HERC2: variants seen among roughly 807,000 people sequenced by gnomAD.
HERC2 encodes HECT and RLD domain containing E3 ubiquitin protein ligase 2.
Under a neutral mutation model 537.7 loss-of-function variants are expected in HERC2, and 102 were observed. The ratio of observed to expected loss-of-function variants is 0.19; its 90% confidence interval spans 0.16 to 0.22. HERC2 has a LOEUF of 0.22. HERC2 is among the 10% of genes least tolerant of loss of function. The pLI is 1.00. For missense variants in HERC2, 4,236 were observed against 6,198.2 expected, an observed-to-expected ratio of 0.68 and a Z score of 10.63; for synonymous variants, 2,224 against 2,466.2, an observed-to-expected ratio of 0.90 and a Z score of 2.91.
intron 36 of HERC2, 122 bp downstream of exon 36, chr15:28,221,906 C>T: frequency 2.3e-6 from 2 of 876,030 alleles, no homozygotes; most frequent in African/African-American, 1.6e-5. Flanking sequence ...GAACCAACAC[C>T]TGTGTCATCA....
chr15:28,243,528 T>C (rs1903346956), intron 23 of HERC2, among the ~76,000 whole-genome samples: 1 of 151,792 alleles, frequency 6.6e-6, no homozygotes, highest in Non-Finnish European at 1.5e-5. Context: ...CATGAATGAC[T>C]AAAAAGAAAA....
chr15:28,304,261 A>G (rs540718252), intron 2 of HERC2, among the ~76,000 whole-genome samples: 1 of 151,304 alleles, frequency 6.6e-6, no homozygotes, highest in African/African-American at 2.4e-5. Context: ...TATCAGTTCT[A>G]ATCATTTTTT....
intron 68 of HERC2, among the ~76,000 whole-genome samples, chr15:28,165,854 A>G (rs7180735): frequency 0.076 from 11,580 of 152,168 alleles, 1,522 homozygotes; most frequent in African/African-American, 0.27. Flanking sequence ...ACACACACAC[A>G]TATTCATTCT....
At position 28,176,297 on chromosome 15, in the gene HERC2, G is replaced by A. The variant is rs1895283830; in HGVS notation, c.9686+131C>T. ...TAATCCCAACTCAATATCCTTTAAAGGACAAAGATGCATGCATAAGTAAAA... is the reference window on the plus strand; with the variant it reads ...TAATCCCAACTCAATATCCTTTAAAAGACAAAGATGCATGCATAAGTAAAA... On this transcript the variant is annotated intron_variant, in intron 63 of 92. Transcript: ENST00000261609. This position sits in a 1 kb window ranked among gnomAD's most constrained non-coding sequence, Gnocchi z 5.0. 1 of 725,940 alleles carries A rather than the reference G, an allele frequency of 1.4e-6. No homozygotes were observed. The highest frequency in any genetic ancestry group is 2.3e-6 in the Non-Finnish European group (1 of 435,068). 45.0% of individuals were successfully genotyped at this position (725,940 alleles called of 1,614,324 possible).
At position 28,113,811 on chromosome 15, in the gene HERC2, G is replaced by T; in HGVS notation, c.13914-133C>A. On this transcript the variant is annotated intron_variant, in intron 90 of 92. Transcript: ENST00000261609. The surrounding 1 kb of genome is among the most constrained non-coding windows in gnomAD (Gnocchi z 7.0). Reference sequence around the variant, plus strand: ...GAGAACAGAGGGAGCAGCTCCAGATGGCATGAGCATGCTTAGCAGCTCGGC... The same window carrying T: ...GAGAACAGAGGGAGCAGCTCCAGATTGCATGAGCATGCTTAGCAGCTCGGC... 1.4e-6 allele frequency: 1 copy of T among 707,340 alleles called. No homozygotes were observed. The highest frequency in any genetic ancestry group is 1.7e-5 in the South Asian group (1 of 60,468). 43.8% of individuals were successfully genotyped at this position (707,340 alleles called of 1,614,324 possible).
Position 28,257,173 on chromosome 15 carries a change from A to T in HERC2, c.2405T>A (p.Leu802Gln), listed in dbSNP as rs1196129066. Reference sequence around the variant, plus strand: ...ACTCACCTGCCGAAGCAGGAGATCCAGCTGCTCAAAAGTCATTGAGCAGAT... The same window carrying T: ...ACTCACCTGCCGAAGCAGGAGATCCTGCTGCTCAAAAGTCATTGAGCAGAT... ...VDICSMTFEQLDLLLRQVSEG... is the reference protein window; with the variant it reads ...VDICSMTFEQQDLLLRQVSEG... The change falls in exon 17 of 93, where the codon CTG (leucine) becomes CAG (glutamine). Residue 802 changes from leucine to glutamine, a missense_variant. Leu to Gln is a moderately radical substitution (Grantham distance 113). Around this residue, in one of 27 missense-constraint regions of HERC2, gnomAD observed 754 missense variants for 1,085.0 expected, o/e 0.69. Coordinates refer to ENST00000261609, the MANE Select transcript of HERC2 (RefSeq NM_004667.6). 1 of 1,613,928 alleles carries T rather than the reference A, an allele frequency of 6.2e-7. No homozygotes were observed. The highest frequency in any genetic ancestry group is 8.5e-7 in the Non-Finnish European group (1 of 1,179,812).
intron 43 of HERC2, among the ~76,000 whole-genome samples, chr15:28,211,527 T>C (rs1899232588): frequency 6.6e-6 from 1 of 152,128 alleles, no homozygotes. Flanking sequence ...CCCCACTAGC[T>C]CTTTAACTGA....
intron 56 of HERC2, 148 bp from the exon 57 acceptor site, chr15:28,182,660 C>A (rs1338578689): frequency 1.6e-6 from 1 of 643,116 alleles, no homozygotes; most frequent in South Asian, 2.1e-5. Context: ...TAGAAAAAAA[C>A]CTCAAGCATG....
chr15:28,321,128 T>G (rs2077217113), intron 2 of HERC2, among the ~76,000 whole-genome samples: 1 of 152,180 alleles, frequency 6.6e-6, no homozygotes. Context: ...TTTTGCCTAT[T>G]AATAGATCTC....
rs375385698 is a variant in HERC2 at position 28,175,524 on chromosome 15, C to T, written c.9819G>A (p.Thr3273=). Residue 3273 remains threonine, a synonymous_variant, in exon 64 of 93, where the codon ACG becomes ACA. Transcript: ENST00000261609. ...CCTGCAGCCTTACCTGCCCCGAGTC[C>T]GTGACCGCCAGGCAGTGCAGGGCCC... ...AVGALHCLAV[T]DSGQVYAWGD... is the part of the protein sequence containing the mutation. 21 of 1,612,424 alleles carry T rather than the reference C, an allele frequency of 1.3e-5. No individual in the cohort carries two copies. The highest frequency in any genetic ancestry group is 2.2e-5 in the East Asian group (1 of 44,824).
chr15:28,310,652 C>A (rs984400000), intron 2 of HERC2, among the ~76,000 whole-genome samples: 2 of 151,904 alleles, frequency 1.3e-5, no homozygotes, highest in African/African-American at 4.8e-5. Context: ...AGGCTAACAG[C>A]GGTCAGAACT....
intron 35 of HERC2, among the ~76,000 whole-genome samples, chr15:28,225,853 T>C (rs1257964922): frequency 3.3e-5 from 5 of 152,048 alleles, no homozygotes; most frequent in Non-Finnish European, 7.4e-5. Flanking sequence ...CTAGATAAAA[T>C]GGACACATTC....
chr15:28,180,930 T>C (rs1296740647), intron 57 of HERC2, among the ~76,000 whole-genome samples: 1 of 152,206 alleles, frequency 6.6e-6, no homozygotes, highest in Non-Finnish European at 1.5e-5. Context: ...ATCAGGGACT[T>C]GAGCATCCAC....
intron 69 of HERC2, 139 bp downstream of exon 69, chr15:28,162,955 A>G: frequency 2.8e-6 from 2 of 702,212 alleles, no homozygotes; most frequent in Non-Finnish European, 4.8e-6. Context: ...GCTCTAAAGG[A>G]GTGCTCCTAA....
intron 16 of HERC2, 57 bp downstream of exon 16, chr15:28,260,720 T>C (rs1436000105): frequency 6.9e-7 from 1 of 1,456,244 alleles, no homozygotes; most frequent in Admixed American, 1.8e-5. Flanking sequence ...ATACTGGTAA[T>C]GAACAACTGG....
chr15:28,292,973 T>C lies in HERC2; in HGVS notation c.237A>G (p.Lys79=). 1 of 1,611,380 alleles carries C rather than the reference T, an allele frequency of 6.2e-7. No individual in the cohort carries two copies. The change falls in exon 4 of 93, where the codon AAA becomes AAG. Residue 79 remains lysine, a synonymous_variant. Coordinates refer to ENST00000261609, the MANE Select transcript of HERC2 (RefSeq NM_004667.6). The part of the protein sequence containing the change: ...SGTKKEDLND[K]EKKDEEETPA... ...GAGTTTCTTCTTCATCTTTTTTCTC[T>C]TTGTCATTCAGATCTTCTTTCTTTG...
chr15:28,164,227 C>T (rs940083910), intron 68 of HERC2, among the ~76,000 whole-genome samples: 2 of 152,174 alleles, frequency 1.3e-5, no homozygotes, highest in South Asian at 4.1e-4. Flanking sequence ...TGGACCTCAG[C>T]AAATCCAGTG....
chr15:28,124,532 C>T (rs992421876), intron 84 of HERC2, among the ~76,000 whole-genome samples: 6 of 150,752 alleles, frequency 4.0e-5, no homozygotes, highest in Non-Finnish European at 8.9e-5. Flanking sequence ...GTGATACACA[C>T]TGTACACACA....
chr15:28,225,885 A>G (rs1432842887), intron 35 of HERC2, among the ~76,000 whole-genome samples: 2 of 152,162 alleles, frequency 1.3e-5, no homozygotes, highest in African/African-American at 2.4e-5. Flanking sequence ...AATTACCCGA[A>G]CTGACTCAAG....
Sources: gnomAD v4.1 joint callset for allele counts (sites outside exome capture counted in the v4.1 genomes callset) on GRCh38, gnomAD v4.1.1 for gene constraint, gnomAD v4.1.1 regional missense constraint, Gnocchi (gnomAD v3.1) non-coding constraint, MANE v1.5 for transcripts, NCBI Gene and HGNC (gene_info 2026-07-23, HGNC 2026-07-21) for gene names.